The following ELAVL4 variants were observed in gnomAD, a reference collection of about 807,000 sequenced individuals.
ELAVL4 encodes ELAV like RNA binding protein 4.
ELAVL4 carries 1 observed loss-of-function variant against 35.6 expected under a neutral mutation model. That is an observed-to-expected ratio of 0.03 (90% confidence interval 0.01 to 0.13). ELAVL4 has a LOEUF of 0.13. Ranked by LOEUF, ELAVL4 falls within the 10% of genes least tolerant of loss-of-function variation. The probability of loss-of-function intolerance (pLI) is 1.00; values close to 1 mark genes in which losing one functional copy is unlikely to be tolerated. For synonymous variants in ELAVL4, 156 were observed against 171.0 expected (o/e 0.91, Z 0.69); for missense variants, 267 against 464.9 (o/e 0.57, Z 3.91).
At chr1:50,082,517 G>A (rs970746300) in intron 1 of ELAVL4, among the ~76,000 whole-genome samples, 4 of 151,978 alleles carry the variant, frequency 2.6e-5, no homozygotes, top group Non-Finnish European at 4.4e-5. Context: ...CTTTTTAATG[G>A]GGTTGTTTGT....
rs759928291 is a variant in ELAVL4 at position 50,145,191 on chromosome 1, A to G, written c.244A>G (p.Ile82Val). Reference protein sequence around the residue: ...IESCKLVRDKITGQSLGYGFV... With the variant: ...IESCKLVRDKVTGQSLGYGFV... ...ATCCTGCAAACTTGTGAGAGACAAA[A>G]TTACAGGTATGCACAGGATTTGAAG... Residue 82 changes from isoleucine to valine, a missense_variant, in exon 2 of 7, where the codon ATT becomes GTT. Ile to Val is a conservative substitution (Grantham distance 29). This residue lies in a region of ELAVL4 where 216 missense variants were observed against 409.5 expected (regional missense o/e 0.53). Transcript: ENST00000371824. 6.2e-7 allele frequency: 1 copy of G among 1,613,964 alleles called. No individual in the cohort carries two copies. Among genetic ancestry groups the G allele is most frequent in the Non-Finnish European group, 8.5e-7 (1 of 1,179,878 alleles).
intron 1 of ELAVL4, among the ~76,000 whole-genome samples, chr1:50,092,023 C>T (rs1223168806): frequency 1.3e-5 from 2 of 152,198 alleles, no homozygotes; most frequent in Admixed American, 1.3e-4. Flanking sequence ...CTGACTCTGT[C>T]CATCTGTTGA....
intron 2 of ELAVL4, among the ~76,000 whole-genome samples, chr1:50,164,015 G>C (rs1273314740): frequency 6.6e-6 from 1 of 152,072 alleles, no homozygotes. Context: ...TCTCCCTCTG[G>C]GCCGTAATGG....
chr1:50,077,331 T>C (rs1273757931), intron 1 of ELAVL4, among the ~76,000 whole-genome samples: 3 of 152,182 alleles, frequency 2.0e-5, no homozygotes, highest in Non-Finnish European at 4.4e-5. Flanking sequence ...GGCTTAAGCC[T>C]GGAAAGAGCC....
intron 1 of ELAVL4, among the ~76,000 whole-genome samples, chr1:50,050,840 C>T (rs1179410930): frequency 6.6e-6 from 1 of 152,080 alleles, no homozygotes; most frequent in Non-Finnish European, 1.5e-5. Context: ...CCTTTTCCTG[C>T]TTTCAATAAA....
chr1:50,077,024 T>C (rs1265835171), intron 1 of ELAVL4, among the ~76,000 whole-genome samples: 2 of 142,524 alleles, frequency 1.4e-5, no homozygotes, highest in Non-Finnish European at 3.1e-5. Flanking sequence ...ATGGGATGTT[T>C]CTCTCTCTCT....
intron 1 of ELAVL4, among the ~76,000 whole-genome samples, chr1:50,129,318 AG>A (rs1670469168): frequency 6.6e-6 from 1 of 152,096 alleles, no homozygotes; most frequent in African/African-American, 2.4e-5. Flanking sequence ...GGATGGACCA[AG>A]AACAACCCTG....
intron 3 of ELAVL4, among the ~76,000 whole-genome samples, chr1:50,190,936 C>A (rs1557859250): frequency 6.6e-6 from 1 of 152,192 alleles, no homozygotes; most frequent in Non-Finnish European, 1.5e-5. Context: ...CCACCACCAC[C>A]TTTCTCACCA....
chr1:50,083,297 G>T (rs972678510), intron 1 of ELAVL4, among the ~76,000 whole-genome samples: 1 of 152,022 alleles, frequency 6.6e-6, no homozygotes, highest in African/African-American at 2.4e-5. Flanking sequence ...AACCCCCAAT[G>T]TCAAGTGATC....
chr1:50,052,887 A>G (rs1663461903), intron 1 of ELAVL4, among the ~76,000 whole-genome samples: 1 of 152,152 alleles, frequency 6.6e-6, no homozygotes, highest in Non-Finnish European at 1.5e-5. Context: ...CAAAAACCCT[A>G]TGTGTGTTAC....
intron 1 of ELAVL4, among the ~76,000 whole-genome samples, chr1:50,087,531 G>A (rs1442055061): frequency 6.6e-6 from 1 of 152,182 alleles, no homozygotes; most frequent in African/African-American, 2.4e-5. Context: ...CCTTAGCGAT[G>A]TGACCTAAAA....
intron 1 of ELAVL4, among the ~76,000 whole-genome samples, chr1:50,094,877 C>T (rs993588285): frequency 5.9e-5 from 9 of 152,044 alleles, no homozygotes; most frequent in Non-Finnish European, 1.0e-4. Flanking sequence ...TTGCAGTGAG[C>T]CTAGATTGCA....
chr1:50,164,445 T>C (rs1400002217), intron 2 of ELAVL4, among the ~76,000 whole-genome samples: 1 of 152,164 alleles, frequency 6.6e-6, no homozygotes, highest in African/African-American at 2.4e-5. Flanking sequence ...ACTCTCATTC[T>C]CTCCTTCAGG....
At chr1:50,074,510 G>A (rs1664675119) in intron 1 of ELAVL4, among the ~76,000 whole-genome samples, 2 of 152,198 alleles carry the variant, frequency 1.3e-5, no homozygotes, top group African/African-American at 2.4e-5. Flanking sequence ...CACTGAGGCT[G>A]ATTATATGTC....
intron 1 of ELAVL4, among the ~76,000 whole-genome samples, chr1:50,084,896 T>C (rs1665170697): frequency 6.6e-6 from 1 of 152,200 alleles, no homozygotes; most frequent in Non-Finnish European, 1.5e-5. Flanking sequence ...GCCTTTTTAT[T>C]GTGTTATTGT....
At chr1:50,156,753 C>T (rs1675829766) in intron 2 of ELAVL4, among the ~76,000 whole-genome samples, 1 of 152,162 alleles carries the variant, frequency 6.6e-6, no homozygotes, top group Non-Finnish European at 1.5e-5. Flanking sequence ...AGTGGCCAAG[C>T]CGGCTGCATA....
chr1:50,075,826 G>A (rs1437365778), intron 1 of ELAVL4, among the ~76,000 whole-genome samples: 1 of 151,972 alleles, frequency 6.6e-6, no homozygotes, highest in Non-Finnish European at 1.5e-5. Context: ...GATAGAGAGA[G>A]AGAGACAGAG....
At chr1:50,069,377 G>C (rs1006897945) in intron 1 of ELAVL4, among the ~76,000 whole-genome samples, 2 of 152,082 alleles carry the variant, frequency 1.3e-5, no homozygotes, top group African/African-American at 4.8e-5. Context: ...GTTAATTCTG[G>C]TTGAGTCTTG....
rs926688684 is a variant in ELAVL4, at chr1:50,201,806, G to C, written c.*628G>C. On this transcript the variant is annotated 3_prime_UTR_variant, in exon 7 of 7. Coordinates refer to ENST00000371824, the MANE Select transcript of ELAVL4 (RefSeq NM_001144774.3). The surrounding 1 kb of genome is among the most constrained non-coding windows in gnomAD (Gnocchi z 4.3). ...TGTGAACTAAAACAGTCTTCTGTTAGGGGATGGGGGCAAGGGGGATACCTG... is the reference window on the plus strand; with the variant it reads ...TGTGAACTAAAACAGTCTTCTGTTACGGGATGGGGGCAAGGGGGATACCTG... 1.3e-5 allele frequency: 2 copies of C among 151,888 alleles called. No homozygotes were observed. Among genetic ancestry groups the C allele is most frequent in the African/African-American group, 4.8e-5 (2 of 41,384 alleles). 9.4% of individuals were successfully genotyped at this position (151,888 alleles called of 1,614,324 possible). A position where few individuals can be genotyped will look rare whatever the true frequency, so the allele number is the denominator to read the frequency against.
Sources: gnomAD v4.1 joint callset for allele counts (sites outside exome capture counted in the v4.1 genomes callset) on GRCh38, gnomAD v4.1.1 for gene constraint, gnomAD v4.1.1 regional missense constraint, Gnocchi (gnomAD v3.1) non-coding constraint, MANE v1.5 for transcripts, NCBI Gene and HGNC (gene_info 2026-07-23, HGNC 2026-07-21) for gene names.